The following NALCN variants were observed in gnomAD, a reference collection of about 807,000 sequenced individuals.
NALCN encodes the protein sodium leak channel, non-selective, also known as sodium leak channel NALCN.
A neutral mutation model predicts 225.3 loss-of-function variants in NALCN; 111 were observed. The ratio of observed to expected loss-of-function variants is 0.49; its 90% CI spans 0.42 to 0.58. NALCN has a LOEUF of 0.58. Among genes scored for constraint, NALCN ranks in the 20% least tolerant of loss-of-function variants. The pLI, the probability that NALCN is intolerant of heterozygous loss-of-function variation, is 0.00. For missense variants in NALCN, 1,378 were observed against 2,202.4 expected (o/e 0.63, Z 7.49); for synonymous variants, 764 against 769.0 (o/e 0.99, Z 0.11).
intron 10 of NALCN, among the ~76,000 whole-genome samples, chr13:101,279,876 T>TAAATAAATAAAA (rs1165525046): frequency 2.7e-4 from 40 of 149,024 alleles, no homozygotes; most frequent in South Asian, 1.3e-3. Flanking sequence ...AATAAATAAA[T>TAAATAAATAAAA]AAAAAGAAGT....
chr13:101,177,537 A>T (rs35186061), intron 14 of NALCN, among the ~76,000 whole-genome samples: 36,901 of 150,344 alleles, frequency 0.25, 5,275 homozygotes, highest in Non-Finnish European at 0.33. Flanking sequence ...GAGTAATACA[A>T]TTTTTCCTCT....
At chr13:101,283,112 G>A (rs781256921) in intron 10 of NALCN, among the ~76,000 whole-genome samples, 1 of 152,144 alleles carries the variant, frequency 6.6e-6, no homozygotes, top group African/African-American at 2.4e-5. Context: ...TTCTCCAGGT[G>A]GAAGAATCAA....
At chr13:101,220,101 A>G (rs1175293385) in intron 13 of NALCN, among the ~76,000 whole-genome samples, 1 of 152,196 alleles carries the variant, frequency 6.6e-6, no homozygotes, top group Non-Finnish European at 1.5e-5. Flanking sequence ...GCAGCCCTAT[A>G]AACATTGCTG....
intron 10 of NALCN, among the ~76,000 whole-genome samples, chr13:101,271,799 A>ATG (rs879667133): frequency 2.0e-5 from 3 of 150,644 alleles, no homozygotes; most frequent in Non-Finnish European, 4.4e-5. Flanking sequence ...GTGTGCATGC[A>ATG]TGTGTGTGTG....
At chr13:101,192,612 T>G (rs2039727315) in intron 13 of NALCN, among the ~76,000 whole-genome samples, 1 of 151,954 alleles carries the variant, frequency 6.6e-6, no homozygotes, top group Non-Finnish European at 1.5e-5. Context: ...TTTTCATGAT[T>G]TAAAAAAAGT....
intron 10 of NALCN, among the ~76,000 whole-genome samples, chr13:101,261,417 A>G (rs529004545): frequency 1.3e-5 from 2 of 152,290 alleles, no homozygotes; most frequent in African/African-American, 4.8e-5. Flanking sequence ...TAAGGATTCA[A>G]TTGCATCTGT....
intron 17 of NALCN, among the ~76,000 whole-genome samples, chr13:101,141,103 C>T (rs2037056070): frequency 6.6e-6 from 1 of 151,960 alleles, no homozygotes; most frequent in Non-Finnish European, 1.5e-5. Context: ...CCTGGAAGAC[C>T]AAGCACAGAA....
intron 13 of NALCN, among the ~76,000 whole-genome samples, chr13:101,212,364 T>C (rs915904369): frequency 6.6e-6 from 1 of 152,194 alleles, no homozygotes; most frequent in African/African-American, 2.4e-5. Flanking sequence ...ATGTCTTTGC[T>C]ATTACTTTAG....
intron 15 of NALCN, among the ~76,000 whole-genome samples, chr13:101,171,413 G>A (rs1006489867): frequency 3.9e-4 from 58 of 150,560 alleles, no homozygotes; most frequent in Admixed American, 6.6e-5. Flanking sequence ...TTACATATAT[G>A]TAATAATAGA....
chr13:101,148,580 T>A (rs571264892), intron 15 of NALCN, among the ~76,000 whole-genome samples: 15 of 152,344 alleles, frequency 9.8e-5, no homozygotes, highest in Non-Finnish European at 2.9e-5. Flanking sequence ...TGACACTATA[T>A]TGTGTGACCC....
chr13:101,173,384 T>G (rs569519574), intron 15 of NALCN, among the ~76,000 whole-genome samples: 3 of 152,240 alleles, frequency 2.0e-5, no homozygotes, highest in South Asian at 4.1e-4. Context: ...AGGTTAAGAG[T>G]GTGGGCTTTC....
intron 7 of NALCN, among the ~76,000 whole-genome samples, chr13:101,314,387 GAC>G (rs1756864613): frequency 6.6e-6 from 1 of 151,980 alleles, no homozygotes; most frequent in Admixed American, 6.6e-5. Context: ...ATCAATCAGA[GAC>G]ACGGAAAACA....
At chr13:101,194,742 G>A (rs1240525359) in intron 13 of NALCN, among the ~76,000 whole-genome samples, 4 of 152,174 alleles carry the variant, frequency 2.6e-5, no homozygotes, top group Non-Finnish European at 4.4e-5. Context: ...GATGGCTCAC[G>A]CCTGTAATCC....
intron 17 of NALCN, among the ~76,000 whole-genome samples, chr13:101,140,867 T>C (rs1018556959): frequency 2.0e-5 from 3 of 152,150 alleles, no homozygotes; most frequent in African/African-American, 7.2e-5. Context: ...AAGGCTATAG[T>C]GCACTATGGC....
At chr13:101,376,441 C>T (rs1410001386) in intron 6 of NALCN, among the ~76,000 whole-genome samples, 1 of 151,980 alleles carries the variant, frequency 6.6e-6, no homozygotes, top group South Asian at 2.1e-4. Flanking sequence ...CGCTTGAACC[C>T]GGGATGCGGA....
At chr13:101,213,387 G>C (rs934339185) in intron 13 of NALCN, among the ~76,000 whole-genome samples, 1 of 152,168 alleles carries the variant, frequency 6.6e-6, no homozygotes, top group Admixed American at 6.6e-5. Flanking sequence ...ATAGGCATGG[G>C]CAAGGACTTC....
chr13:101,271,064 G>A lies in NALCN; in HGVS notation c.1135-12490C>T, dbSNP rs188847904. ...AAACTGGAGGATGAAAATATAATAG[G>A]AGACAGGAATTTAGTTTGAGATAAT... On this transcript the variant is annotated intron_variant, in intron 10 of 43. Coordinates refer to ENST00000251127, the MANE Select transcript of NALCN (RefSeq NM_052867.4). 6.9e-4 allele frequency among the ~76,000 whole-genome samples: 105 copies of A among 152,226 alleles called. 2 individuals are homozygous for A. The highest frequency in any genetic ancestry group is 2.5e-3 in the African/African-American group (103 of 41,554).
chr13:101,363,740 C>T (rs2046310779), intron 6 of NALCN, among the ~76,000 whole-genome samples: 1 of 151,960 alleles, frequency 6.6e-6, no homozygotes, highest in Non-Finnish European at 1.5e-5. Flanking sequence ...AATGGAATTG[C>T]ATTAAGCTCA....
chr13:101,392,659 A>T (rs946938873), intron 3 of NALCN, among the ~76,000 whole-genome samples: 26 of 152,186 alleles, frequency 1.7e-4, no homozygotes, highest in African/African-American at 6.0e-4. Flanking sequence ...TAGTCAATTC[A>T]TTTATTTTAC....
Sources: allele counts gnomAD v4.1 joint callset (sites outside exome capture counted in the v4.1 genomes callset), GRCh38; gene constraint gnomAD v4.1.1; transcripts MANE v1.5; gene names NCBI Gene and HGNC (gene_info 2026-07-23, HGNC 2026-07-21).